AMPD3: variants seen among roughly 807,000 people sequenced by gnomAD.
AMPD3 encodes the protein adenosine monophosphate deaminase 3, also known as AMP deaminase 3.
A neutral mutation model predicts 82.3 loss-of-function variants in AMPD3; 57 were observed. The observed-to-expected ratio is 0.69, with a 90% CI of 0.56 to 0.86. The LOEUF (loss-of-function observed/expected upper bound fraction) is 0.86, where lower values mean the gene tolerates loss of function less well. Ranked by LOEUF, AMPD3 falls within the 40% of genes least tolerant of loss-of-function variation. AMPD3 has a pLI of 0.00. For synonymous variants in AMPD3, 381 were observed against 394.7 expected (o/e 0.97, Z 0.41); for missense variants, 870 against 1,003.8 (o/e 0.87, Z 1.80).
intron 10 of AMPD3, chr11:10,499,463 G>C (rs1468353811): frequency 6.3e-6 from 1 of 159,830 alleles, no homozygotes; most frequent in African/African-American, 2.4e-5. Context: ...TGATCTGCCC[G>C]TCTCCTCCTC....
rs907064340 is a variant in AMPD3 at position 10,496,451 on chromosome 11, G to A, written c.1431-361G>A. On this transcript the variant is annotated intron_variant, in intron 9 of 14. Transcript: ENST00000396553. Reference sequence around the variant, plus strand: ...GAGCCCATGGCTCCAGGATGGGCTGGGGTATGTGGTTTAGGGAAACAGAGC... The same window carrying A: ...GAGCCCATGGCTCCAGGATGGGCTGAGGTATGTGGTTTAGGGAAACAGAGC... The A allele has an allele frequency of 5.1e-6, 5 of 985,284 alleles. No homozygotes were observed. In the African/African-American group the frequency reaches 7.0e-5, roughly 14 times the overall value. The allele number at this position is 985,284 out of a possible 1,614,324, so 61.0% of individuals were successfully genotyped here.
At position 10,502,828 on chromosome 11, in the gene AMPD3, A is replaced by G; in HGVS notation, c.1950A>G (p.Glu650=). The change falls in exon 13 of 15, where the codon GAA becomes GAG. Residue 650 remains glutamate (E), a synonymous_variant. Coordinates refer to ENST00000396553, the MANE Select transcript of AMPD3 (RefSeq NM_001025389.2). ...AATATTCCAAGAACCCTCTGAGGGA[A>G]TTCCTACACAAGGGACTGCATGTTT... The part of the protein sequence containing the change: ...FLEYSKNPLR[E]FLHKGLHVSL... 1.2e-6 allele frequency: 2 copies of G among 1,614,200 alleles called. No homozygotes were observed. Among genetic ancestry groups the G allele is most frequent in the Non-Finnish European group, 1.7e-6 (2 of 1,180,024 alleles).
rs2054330279 is a variant in AMPD3, at chr11:10,455,442, AG to A, written c.-11del. 8.3e-6 allele frequency: 8 copies of A among 967,946 alleles called. No individual in the cohort carries two copies. Among genetic ancestry groups the A allele is most frequent in the Non-Finnish European group, 9.8e-6 (8 of 815,698 alleles). The allele number at this position is 967,946 out of a possible 1,614,324, so 60.0% of individuals were successfully genotyped here. A position where few individuals can be genotyped will look rare whatever the true frequency, so the allele number is the denominator to read the frequency against. On this transcript the variant is annotated 5_prime_UTR_variant, in exon 1 of 15. Coordinates refer to ENST00000396553, the MANE Select transcript of AMPD3 (RefSeq NM_001025389.2). ...GCTGGAGGCCCACGTGGGAGCAGTG[AG>A]CGGCTGTAAGCAGGGGAGGGTTTGG...
In AMPD3 at chr11:10,502,754, C is replaced by A; in HGVS notation, c.1876C>A (p.Gln626Lys). The A allele has an allele frequency of 6.2e-7, 1 of 1,614,228 alleles. No individual in the cohort carries two copies. Among genetic ancestry groups the A allele is most frequent in the South Asian group, 1.1e-5 (1 of 91,084 alleles). Residue 626 changes from glutamine (Q) to lysine (K), a missense_variant, in exon 13 of 15, where the codon CAG becomes AAG. Transcript: ENST00000396553. ...PVLQYLYYLA[Q>K]IPIAMSPLSN... The stretch of plus-strand genomic sequence containing the variant: ...ATTGCAGTATCTCTACTACCTTGCT[C>A]AGATCCCCATTGCCATGTCTCCTCT...
At chr11:10,501,428 C>A (rs756262898) in intron 11 of AMPD3, 42 bp from the exon 12 acceptor site, 1 of 1,608,306 alleles carries the variant, frequency 6.2e-7, no homozygotes, top group Non-Finnish European at 8.5e-7. Context: ...GCAGAGCCAA[C>A]TGGGGGGGGC....
intron 11 of AMPD3, chr11:10,500,796 G>T: frequency 1.0e-6 from 1 of 985,220 alleles, no homozygotes; most frequent in Non-Finnish European, 1.2e-6. Context: ...CTACCAATAC[G>T]CACACAGACG....
chr11:10,496,663 G>C, intron 9 of AMPD3, 149 bp from the exon 10 acceptor site: 2 of 1,476,674 alleles, frequency 1.4e-6, no homozygotes, highest in Non-Finnish European at 1.8e-6. Flanking sequence ...GAGGAGGACA[G>C]AGGAGGGATC....
intron 1 of AMPD3, among the ~76,000 whole-genome samples, chr11:10,459,942 C>G (rs748898682): frequency 5.0e-4 from 75 of 151,356 alleles, no homozygotes; most frequent in Non-Finnish European, 9.9e-4. Context: ...CTCTCTATGC[C>G]TTCATTTTCT....
Position 10,506,458 on chromosome 11 carries a change from A to G in AMPD3, c.*574A>G, listed in dbSNP as rs939629474. ...CTCTTTCTAGTTGGAAGCCAAATGTACTCATGAAAACAGCCACTCCTATTC... is the reference window on the plus strand; with the variant it reads ...CTCTTTCTAGTTGGAAGCCAAATGTGCTCATGAAAACAGCCACTCCTATTC... On this transcript the variant is annotated 3_prime_UTR_variant, in exon 15 of 15. Transcript: ENST00000396553. This position sits in a 1 kb window ranked among gnomAD's most constrained non-coding sequence, Gnocchi z 4.1. 4 of 168,644 alleles carry G rather than the reference A, an allele frequency of 2.4e-5. No individual in the cohort carries two copies. Among genetic ancestry groups the G allele is most frequent in the African/African-American group, 4.8e-5 (2 of 41,538 alleles). The allele number at this position is 168,644 out of a possible 1,614,324, so 10.4% of individuals were successfully genotyped here.
upstream of AMPD3, among the ~76,000 whole-genome samples, chr11:10,453,281 T>TCAG (rs1848006426): frequency 6.6e-6 from 1 of 152,254 alleles, no homozygotes; most frequent in Non-Finnish European, 1.5e-5. Context: ...TACACTCTAC[T>TCAG]CATTCCTGAG....
At chr11:10,476,865 G>A in intron 2 of AMPD3, 1 of 968,970 alleles carries the variant, frequency 1.0e-6, no homozygotes, top group Non-Finnish European at 1.2e-6. Flanking sequence ...AGAGAAAGCT[G>A]AGGCTGGGGG....
rs1463064649 is a variant in AMPD3 at position 10,484,974 on chromosome 11, C to A, written c.744C>A (p.Tyr248Ter). 2 of 1,608,198 alleles carry A rather than the reference C, an allele frequency of 1.2e-6. No homozygotes were observed. The highest frequency in any genetic ancestry group is 1.7e-6 in the Non-Finnish European group (2 of 1,177,818). The change falls in exon 5 of 15, where the codon TAC becomes TAA. Residue 248 changes from tyrosine to a stop codon, truncating the protein, a stop_gained. Coordinates refer to ENST00000396553, the MANE Select transcript of AMPD3 (RefSeq NM_001025389.2). LOFTEE classifies it high-confidence loss of function. ...LEHQEPHSLP[Y>*]PDLETYTVDM... ...ACCAGGAGCCGCACAGCCTACCCTA[C>A]CCCGACCTGGAGACCTACACGGTGG...
At chr11:10,504,429 G>C in intron 13 of AMPD3, 120 bp from the exon 14 acceptor site, 2 of 1,084,104 alleles carry the variant, frequency 1.8e-6, no homozygotes, top group Non-Finnish European at 2.8e-6. Flanking sequence ...GATGATCCAG[G>C]TGCCATTTAG....
intron 10 of AMPD3, among the ~76,000 whole-genome samples, chr11:10,497,412 TAGG>T (rs1849442148): frequency 6.6e-6 from 1 of 151,826 alleles, no homozygotes; most frequent in African/African-American, 2.4e-5. Flanking sequence ...GATCCAGTTG[TAGG>T]AGAAGGAGAG....
At chr11:10,457,440 A>G (rs998455785) in intron 1 of AMPD3, among the ~76,000 whole-genome samples, 2 of 152,168 alleles carry the variant, frequency 1.3e-5, no homozygotes, top group African/African-American at 4.8e-5. Flanking sequence ...GTGGAATGCA[A>G]CATCTCCCAA....
intron 6 of AMPD3, among the ~76,000 whole-genome samples, chr11:10,489,610 C>T (rs1849181721): frequency 6.6e-6 from 1 of 152,110 alleles, no homozygotes; most frequent in African/African-American, 2.4e-5. Flanking sequence ...AGTCCATAAA[C>T]ATGGGCGCAG....
chr11:10,498,784 C>T (rs1333155775), intron 10 of AMPD3, among the ~76,000 whole-genome samples: 1 of 152,238 alleles, frequency 6.6e-6, no homozygotes, highest in East Asian at 1.9e-4. Flanking sequence ...TTAAGGGGGA[C>T]AGTCTCTTTC....
At chr11:10,463,641 C>T (rs1416757296) in intron 2 of AMPD3, among the ~76,000 whole-genome samples, 1 of 152,230 alleles carries the variant, frequency 6.6e-6, no homozygotes, top group African/African-American at 2.4e-5. Context: ...GTTTCCACTA[C>T]AGAGTGACAC....
In AMPD3 at chr11:10,487,327, A is replaced by G. The variant is rs200965115; in HGVS notation, c.902A>G (p.Lys301Arg). 6.8e-6 allele frequency: 11 copies of G among 1,614,184 alleles called. No individual in the cohort carries two copies. Among genetic ancestry groups the G allele is most frequent in the Non-Finnish European group, 9.3e-6 (11 of 1,180,028 alleles). The change falls in exon 6 of 15, where the codon AAG (lysine) becomes AGG (arginine). Residue 301 changes from lysine (K) to arginine (R), a missense_variant. Physicochemically the swap from Lys to Arg is conservative, Grantham distance 26. Transcript: ENST00000396553. The stretch of plus-strand genomic sequence containing the variant: ...GAAATGTCCGAGTTCAAAGAGTTGA[A>G]GAGTAACCCCCACCGGGACTTCTAT... ...LNEMSEFKEL[K>R]SNPHRDFYNV...
Sources: gnomAD v4.1 joint callset for allele counts (sites outside exome capture counted in the v4.1 genomes callset) on GRCh38, gnomAD v4.1.1 for gene constraint, Gnocchi (gnomAD v3.1) non-coding constraint, MANE v1.5 for transcripts, NCBI Gene and HGNC (gene_info 2026-07-23, HGNC 2026-07-21) for gene names.